Variants in COL4A6 observed in about 807,000 individuals in gnomAD.
COL4A6 encodes the protein collagen type IV alpha 6 chain.
Under a neutral mutation model 126.7 loss-of-function variants are expected in COL4A6, and 59 were observed. That is an observed-to-expected ratio of 0.47 (90% CI 0.38 to 0.58). COL4A6 has a LOEUF of 0.58. Ranked by LOEUF, COL4A6 falls within the 20% of genes least tolerant of loss-of-function variation. COL4A6 has a pLI of 0.00. For missense variants in COL4A6, 1,285 were observed against 1,337.3 expected, an observed-to-expected ratio of 0.96 and a Z score of 0.61; for synonymous variants, 547 against 496.6, an observed-to-expected ratio of 1.10 and a Z score of -1.35.
At chrX:108,294,741 AAAATGGGGTTTAAAAT>A (rs1188959351) in intron 3 of COL4A6, among the ~76,000 whole-genome samples, 1 of 111,347 alleles carries the variant, frequency 9.0e-6, no homozygotes, top group Non-Finnish European at 1.9e-5. Flanking sequence ...CCTCATCTGC[AAAATGGGGTTTAAAAT>A]AAATATTTAT....
At position 108,437,902 on chromosome X, in the gene COL4A6, AAAG is replaced by A. The variant is rs760230846; in HGVS notation, c.63+37_63+39del. The A allele has an allele frequency of 4.2e-6, 5 of 1,204,029 alleles. No homozygotes were observed. The South Asian group carries it at 8.8e-5, about 21-fold the overall frequency. ...TAGAGATGGGGATGGTTAGAGGGTC[AAAG>A]GAGGGGGACGGAAAAGGGTCGTGAG... On this transcript the variant is annotated intron_variant, in intron 2 of 44. Transcript: ENST00000334504.
chrX:108,191,564 A>AT (rs764626104), intron 18 of COL4A6, 31 bp from the exon 19 acceptor site: 10 of 1,189,318 alleles, frequency 8.4e-6, no homozygotes, highest in Non-Finnish European at 1.1e-5. Flanking sequence ...ACAAATGCTC[A>AT]TTATATCACC....
At chrX:108,212,200 C>A (rs2035725950) in intron 6 of COL4A6, among the ~76,000 whole-genome samples, 1 of 99,320 alleles carries the variant, frequency 1.0e-5, no homozygotes, top group East Asian at 3.0e-4. Context: ...GTTTTATACT[C>A]TTCTTCTTTC....
At chrX:108,297,705 C>T (rs967690490) in intron 3 of COL4A6, among the ~76,000 whole-genome samples, 1 of 111,258 alleles carries the variant, frequency 9.0e-6, no homozygotes, top group South Asian at 3.8e-4. Context: ...ATTTCTCTAC[C>T]CTGTTCTGGG....
At chrX:108,354,079 T>C (rs933771624) in intron 2 of COL4A6, among the ~76,000 whole-genome samples, 3 of 111,568 alleles carry the variant, frequency 2.7e-5, no homozygotes, top group African/African-American at 9.8e-5. Context: ...CTTGAACCCG[T>C]GTGGCAGAGG....
chrX:108,368,291 G>T (rs2040250289), intron 2 of COL4A6, among the ~76,000 whole-genome samples: 1 of 111,251 alleles, frequency 9.0e-6, no homozygotes, highest in African/African-American at 3.3e-5. Flanking sequence ...GTAAGTATTT[G>T]TTATCCAAAC....
intron 3 of COL4A6, among the ~76,000 whole-genome samples, chrX:108,242,027 G>A (rs2036587460): frequency 1.0e-5 from 1 of 97,749 alleles, no homozygotes; most frequent in Non-Finnish European, 2.0e-5. Flanking sequence ...AGACATGCCA[G>A]TACATTGCCC....
At chrX:108,305,320 T>A (rs1015156383) in intron 3 of COL4A6, among the ~76,000 whole-genome samples, 1 of 112,033 alleles carries the variant, frequency 8.9e-6, no homozygotes, top group African/African-American at 3.2e-5. Flanking sequence ...AACTCATATG[T>A]TTTTTGAAAA....
chrX:108,202,337 T>C (rs915511930), intron 13 of COL4A6, among the ~76,000 whole-genome samples: 5 of 111,861 alleles, frequency 4.5e-5, no homozygotes, highest in Non-Finnish European at 9.4e-5. Flanking sequence ...CCCATTACAA[T>C]GTAATCTCAA....
chrX:108,175,447 C>T (rs1440758845), intron 29 of COL4A6, among the ~76,000 whole-genome samples: 2 of 111,664 alleles, frequency 1.8e-5, no homozygotes, highest in Non-Finnish European at 3.8e-5. Context: ...ACTGGTCTTC[C>T]GGGAATGGGC....
At position 108,297,354 on chromosome X, in the gene COL4A6, C is replaced by T. The variant is rs181442343; in HGVS notation, c.144+13394G>A. On this transcript the variant is annotated intron_variant, in intron 3 of 44. Coordinates refer to ENST00000334504, the MANE Select transcript of COL4A6 (RefSeq NM_033641.4). The stretch of plus-strand genomic sequence containing the variant: ...ATTGAAGTTCAGAAAATAGCTAAAC[C>T]ATTCACCTAATGCAGAGTTTCTTAA... Among the ~76,000 whole-genome samples the T allele has an allele frequency of 2.3e-4, 26 of 111,433 alleles. 1 individual carries two copies. The East Asian group carries it at 7.3e-3, about 31-fold the overall frequency.
Position 108,301,274 on chromosome X carries a change from C to T in COL4A6, c.144+9474G>A, listed in dbSNP as rs1328568072. On this transcript the variant is annotated intron_variant, in intron 3 of 44. Coordinates refer to ENST00000334504, the MANE Select transcript of COL4A6 (RefSeq NM_033641.4). ...TACAGCTGTGAAAACTGACATGACT[C>T]CTCACAGAACTTGTAATCACATATA... Among the ~76,000 whole-genome samples, 4 of 112,292 alleles carry T rather than the reference C, an allele frequency of 3.6e-5. No homozygotes were observed. The Admixed American group carries it at 3.8e-4, about 11-fold the overall frequency.
chrX:108,393,577 C>G (rs1268533479), intron 2 of COL4A6, among the ~76,000 whole-genome samples: 1 of 111,544 alleles, frequency 9.0e-6, no homozygotes, highest in African/African-American at 3.3e-5. Flanking sequence ...GTTATAAACA[C>G]CAATGAATAT....
intron 8 of COL4A6, among the ~76,000 whole-genome samples, chrX:108,208,006 T>A (rs759276046): frequency 6.3e-5 from 7 of 111,756 alleles, no homozygotes; most frequent in East Asian, 5.6e-4. Flanking sequence ...AAACAAAAAA[T>A]TTTTTAAAAA....
chrX:108,285,047 C>A (rs2037969824), intron 3 of COL4A6, among the ~76,000 whole-genome samples: 1 of 111,849 alleles, frequency 8.9e-6, no homozygotes, highest in African/African-American at 3.3e-5. Context: ...TGACAAACAG[C>A]ATTTTGTCAA....
At chrX:108,166,237 C>A (rs1161485555) in intron 37 of COL4A6, among the ~76,000 whole-genome samples, 1 of 112,348 alleles carries the variant, frequency 8.9e-6, no homozygotes, top group Non-Finnish European at 1.9e-5. Context: ...GTAATATGTT[C>A]AAAACCAAAA....
intron 3 of COL4A6, chrX:108,268,439 G>T (rs1169154896): frequency 8.9e-6 from 1 of 112,393 alleles, no homozygotes; most frequent in Non-Finnish European, 1.9e-5. Context: ...TGCCCATTTT[G>T]TATATGAGAC....
chrX:108,386,710 T>G (rs188196697), intron 2 of COL4A6, among the ~76,000 whole-genome samples: 1 of 112,109 alleles, frequency 8.9e-6, no homozygotes, highest in East Asian at 2.8e-4. Flanking sequence ...GCAGAAGCTC[T>G]TTAGTTTAAT....
At chrX:108,245,009 G>A (rs150011369) in intron 3 of COL4A6, among the ~76,000 whole-genome samples, 132 of 112,378 alleles carry the variant, frequency 1.2e-3, no homozygotes, top group Non-Finnish European at 1.9e-3. Flanking sequence ...ACAACAACTT[G>A]GCAGAAGTAG....
Sources: allele counts gnomAD v4.1 joint callset (sites outside exome capture counted in the v4.1 genomes callset), GRCh38; gene constraint gnomAD v4.1.1; transcripts MANE v1.5; gene names NCBI Gene and HGNC (gene_info 2026-07-23, HGNC 2026-07-21).